The following DIAPH2 variants were observed in gnomAD, a reference collection of about 807,000 sequenced individuals.
The protein encoded by DIAPH2 is diaphanous related formin 2.
In DIAPH2, 35 loss-of-function variants were observed where a neutral mutation model predicts 92.7. The observed-to-expected ratio is 0.38, with a 90% CI of 0.29 to 0.50. The LOEUF is 0.50. DIAPH2 is among the 20% of genes least tolerant of loss of function. The pLI, the probability that DIAPH2 is intolerant of heterozygous loss-of-function variation, is 0.94. For synonymous variants in DIAPH2, 301 were observed against 280.4 expected (o/e 1.07, Z -0.73); for missense variants, 701 against 819.5 (o/e 0.86, Z 1.77).
At chrX:96,797,124 T>G (rs1368554375) in intron 4 of DIAPH2, among the ~76,000 whole-genome samples, 1 of 112,005 alleles carries the variant, frequency 8.9e-6, no homozygotes, top group Non-Finnish European at 1.9e-5. Context: ...TTGGTTTGTT[T>G]TCTTTCAGAA....
intron 4 of DIAPH2, among the ~76,000 whole-genome samples, chrX:96,782,986 G>A (rs1027646704): frequency 1.8e-5 from 2 of 111,838 alleles, no homozygotes; most frequent in African/African-American, 3.3e-5. Context: ...TTCTGTTAAC[G>A]TCTCTTAAAG....
intron 24 of DIAPH2, among the ~76,000 whole-genome samples, chrX:97,361,876 C>A (rs1410756815): frequency 8.9e-6 from 1 of 111,790 alleles, no homozygotes; most frequent in African/African-American, 3.2e-5. Context: ...GTGCCACATG[C>A]CCATCCATCC....
At chrX:97,046,356 TG>T (rs1369133259) in intron 17 of DIAPH2, among the ~76,000 whole-genome samples, 4 of 110,795 alleles carry the variant, frequency 3.6e-5, no homozygotes, top group Non-Finnish European at 7.6e-5. Flanking sequence ...TCCTTTGTAA[TG>T]GGAAAGATGA....
chrX:97,179,226 T>C (rs1164696099), intron 22 of DIAPH2, among the ~76,000 whole-genome samples: 1 of 107,269 alleles, frequency 9.3e-6, no homozygotes, highest in African/African-American at 3.5e-5. Context: ...TCCTGTACTC[T>C]GAGTGTGCCT....
At chrX:97,421,111 T>G (rs1363083688) in intron 25 of DIAPH2, among the ~76,000 whole-genome samples, 1 of 111,947 alleles carries the variant, frequency 8.9e-6, no homozygotes, top group Non-Finnish European at 1.9e-5. Flanking sequence ...GTTGCTGAGG[T>G]TTTTTTGATG....
At chrX:97,120,207 C>T (rs1040090501) in intron 21 of DIAPH2, among the ~76,000 whole-genome samples, 2 of 110,857 alleles carry the variant, frequency 1.8e-5, no homozygotes, top group Non-Finnish European at 3.8e-5. Context: ...CAGCGAACTC[C>T]CAGGGCCTTT....
At chrX:97,470,692 AG>A (rs2070554952) in intron 26 of DIAPH2, among the ~76,000 whole-genome samples, 1 of 107,981 alleles carries the variant, frequency 9.3e-6, no homozygotes, top group South Asian at 4.0e-4. Flanking sequence ...TACTGTGTTA[AG>A]AAAAAAAAAA....
chrX:96,938,421 A>G (rs1037021434), intron 11 of DIAPH2, among the ~76,000 whole-genome samples: 2 of 111,826 alleles, frequency 1.8e-5, no homozygotes, highest in African/African-American at 6.5e-5. Flanking sequence ...CTTATAATCA[A>G]ACTTCACCAT....
At chrX:97,241,220 C>T (rs1465823828) in intron 22 of DIAPH2, among the ~76,000 whole-genome samples, 1 of 111,923 alleles carries the variant, frequency 8.9e-6, no homozygotes, top group Non-Finnish European at 1.9e-5. Context: ...ATACATAAAA[C>T]TACTTAGAAT....
intron 26 of DIAPH2, among the ~76,000 whole-genome samples, chrX:97,482,919 C>A (rs1401824249): frequency 9.0e-6 from 1 of 111,169 alleles, no homozygotes; most frequent in African/African-American, 3.3e-5. Flanking sequence ...AAAACATGCT[C>A]TGGGGTGGGG....
intron 23 of DIAPH2, among the ~76,000 whole-genome samples, chrX:97,270,650 T>C (rs2068378929): frequency 8.9e-6 from 1 of 111,939 alleles, no homozygotes; most frequent in Non-Finnish European, 1.9e-5. Context: ...TAACCAGCTC[T>C]TGAAACAGCT....
chrX:96,795,772 A>G (rs1271441479), intron 4 of DIAPH2, among the ~76,000 whole-genome samples: 1 of 111,463 alleles, frequency 9.0e-6, no homozygotes, highest in Non-Finnish European at 1.9e-5. Flanking sequence ...TATTATTATG[A>G]TTTGTGTGAT....
At chrX:96,947,839 G>T (rs1014301620) in intron 14 of DIAPH2, among the ~76,000 whole-genome samples, 1 of 111,698 alleles carries the variant, frequency 9.0e-6, no homozygotes, top group East Asian at 2.8e-4. Context: ...GACAATAAAG[G>T]GCAAATAAAA....
intron 5 of DIAPH2, among the ~76,000 whole-genome samples, chrX:96,897,437 TTTACAAAGTCAAAGTTGCATAAGTC>T (rs2065353077): frequency 9.0e-6 from 1 of 111,049 alleles, no homozygotes; most frequent in Non-Finnish European, 1.9e-5. Context: ...TATTCCAAGT[TTTACAAAGTCAAAGTTGCATAAGTC>T]TTACAAAGTC....
intron 23 of DIAPH2, among the ~76,000 whole-genome samples, chrX:97,335,078 T>C (rs1326736684): frequency 3.0e-5 from 3 of 99,595 alleles, no homozygotes; most frequent in African/African-American, 1.1e-4. Context: ...ATCCACCACA[T>C]ACTATCTAGA....
chrX:97,099,367 A>G (rs1341638391), intron 19 of DIAPH2, among the ~76,000 whole-genome samples: 4 of 109,759 alleles, frequency 3.6e-5, no homozygotes, highest in Admixed American at 2.9e-4. Context: ...CTCGTCTCCA[A>G]AAAAAAAAGA....
At chrX:97,256,246 A>G (rs1430878676) in intron 23 of DIAPH2, among the ~76,000 whole-genome samples, 1 of 112,587 alleles carries the variant, frequency 8.9e-6, no homozygotes, top group Admixed American at 9.4e-5. Context: ...GTGTGTATGC[A>G]CATAAGGAAC....
At chrX:97,036,192 T>G (rs2066409578) in intron 17 of DIAPH2, among the ~76,000 whole-genome samples, 1 of 111,875 alleles carries the variant, frequency 8.9e-6, no homozygotes, top group Non-Finnish European at 1.9e-5. Context: ...ATTAAGCTGA[T>G]TTTTGCCACT....
At chrX:96,902,668 A>G (rs1220465764) in intron 5 of DIAPH2, among the ~76,000 whole-genome samples, 1 of 111,676 alleles carries the variant, frequency 9.0e-6, no homozygotes, top group African/African-American at 3.3e-5. Flanking sequence ...TTATTTGTCA[A>G]TAAAAATAAA....
Sources: allele counts gnomAD v4.1 joint callset (sites outside exome capture counted in the v4.1 genomes callset), GRCh38; gene constraint gnomAD v4.1.1; transcripts MANE v1.5; gene names NCBI Gene and HGNC (gene_info 2026-07-23, HGNC 2026-07-21).